The following ULK4 variants were observed in gnomAD, a reference collection of about 807,000 sequenced individuals.
ULK4 encodes the protein inactive serine/threonine-protein kinase ULK4.
In ULK4, 133 loss-of-function variants were observed where a neutral mutation model predicts 160.6. That is an observed-to-expected ratio of 0.83 (90% CI 0.72 to 0.96). The LOEUF (loss-of-function observed/expected upper bound fraction) is 0.96. ULK4 is among the 40% of genes least tolerant of loss of function. The pLI, the probability that ULK4 is intolerant of heterozygous loss-of-function variation, is 0.00. For synonymous variants in ULK4, 534 were observed against 539.8 expected, an observed-to-expected ratio of 0.99 and a Z score of 0.15; for missense variants, 1,580 against 1,499.5, an observed-to-expected ratio of 1.05 and a Z score of -0.89.
intron 35 of ULK4, among the ~76,000 whole-genome samples, chr3:41,301,299 T>C (rs1559512329): frequency 1.3e-5 from 2 of 152,120 alleles, no homozygotes; most frequent in Non-Finnish European, 2.9e-5. Context: ...ATTTCATTTT[T>C]AAAAGAAATG....
At chr3:41,486,159 A>G (rs2125901615) in intron 32 of ULK4, among the ~76,000 whole-genome samples, 1 of 152,226 alleles carries the variant, frequency 6.6e-6, no homozygotes, top group Middle Eastern at 3.4e-3. Flanking sequence ...TTCCTATTAT[A>G]CCATAAATTC....
intron 33 of ULK4, among the ~76,000 whole-genome samples, chr3:41,461,862 C>T (rs2083692725): frequency 6.6e-6 from 1 of 152,052 alleles, no homozygotes; most frequent in South Asian, 2.1e-4. Context: ...CAAAAATCTA[C>T]CACTATGGAA....
chr3:41,533,921 C>T (rs919342902), intron 32 of ULK4, among the ~76,000 whole-genome samples: 6 of 152,174 alleles, frequency 3.9e-5, no homozygotes, highest in Non-Finnish European at 8.8e-5. Context: ...CATTCTCCTG[C>T]CTCAGCCTCC....
chr3:41,757,829 G>A lies in ULK4; in HGVS notation c.2194-3341C>T, dbSNP rs111297562. On this transcript the variant is annotated intron_variant, in intron 21 of 36. Coordinates refer to ENST00000301831, the MANE Select transcript of ULK4 (RefSeq NM_017886.4). The stretch of plus-strand genomic sequence containing the variant: ...TTTTTAGTAGAGACAGATTTTTACC[G>A]TGTTAGCCAAGATGGTCTTGATCTC... Among the ~76,000 whole-genome samples, 12 of 151,500 alleles carry A rather than the reference G, an allele frequency of 7.9e-5. No individual in the cohort carries two copies. The East Asian group carries it at 1.4e-3, about 18-fold the overall frequency.
chr3:41,367,915 TGC>T (rs1383914797), intron 35 of ULK4, among the ~76,000 whole-genome samples: 1 of 152,292 alleles, frequency 6.6e-6, no homozygotes, highest in Non-Finnish European at 1.5e-5. Flanking sequence ...GTCATGTGTG[TGC>T]CAAGAAAACA....
chr3:41,392,147 G>A (rs1413702841), intron 35 of ULK4, among the ~76,000 whole-genome samples: 1 of 152,034 alleles, frequency 6.6e-6, no homozygotes, highest in Non-Finnish European at 1.5e-5. Context: ...CCAGTTTAAG[G>A]GAAAGGTAAA....
At chr3:41,556,009 C>T (rs1222682055) in intron 32 of ULK4, among the ~76,000 whole-genome samples, 2 of 152,058 alleles carry the variant, frequency 1.3e-5, no homozygotes, top group Non-Finnish European at 2.9e-5. Flanking sequence ...GAAAACAACA[C>T]ACACTGGGCC....
chr3:41,553,161 T>A (rs969611854), intron 32 of ULK4, among the ~76,000 whole-genome samples: 3 of 151,658 alleles, frequency 2.0e-5, no homozygotes, highest in African/African-American at 7.3e-5. Flanking sequence ...TAGAAAAAAA[T>A]ATAGAGATAA....
chr3:41,947,501 GCCT>G (rs1436388069), intron 2 of ULK4, among the ~76,000 whole-genome samples: 2 of 152,298 alleles, frequency 1.3e-5, no homozygotes, highest in South Asian at 2.1e-4. Context: ...TACCCTGCTG[GCCT>G]CCTCAACTGG....
At chr3:41,522,120 CTTTT>C (rs200391098) in intron 32 of ULK4, among the ~76,000 whole-genome samples, 3 of 130,370 alleles carry the variant, frequency 2.3e-5, no homozygotes, top group Non-Finnish European at 3.3e-5. Flanking sequence ...AATGTTTTTT[CTTTT>C]TTTTCTTTTT....
chr3:41,755,844 T>C (rs2038781643), intron 21 of ULK4, among the ~76,000 whole-genome samples: 1 of 152,198 alleles, frequency 6.6e-6, no homozygotes, highest in Non-Finnish European at 1.5e-5. Context: ...TGAATCAATG[T>C]TAGTTTCTTG....
At chr3:41,866,358 T>C (rs1716668) in intron 17 of ULK4, among the ~76,000 whole-genome samples, 47,419 of 152,138 alleles carry the variant, frequency 0.31, 10,799 homozygotes, top group African/African-American at 0.65. Flanking sequence ...TTTTTGGAAC[T>C]GGAGATCAGT....
intron 17 of ULK4, among the ~76,000 whole-genome samples, chr3:41,866,760 A>T (rs932555680): frequency 4.7e-5 from 6 of 128,646 alleles, no homozygotes; most frequent in Non-Finnish European, 9.1e-5. Flanking sequence ...TAAGCCTGGA[A>T]CTGTTATCAT....
intron 2 of ULK4, among the ~76,000 whole-genome samples, chr3:41,950,005 G>A (rs1700235817): frequency 6.6e-6 from 1 of 152,028 alleles, no homozygotes; most frequent in South Asian, 2.1e-4. Flanking sequence ...CAAAGTGCTG[G>A]GATTATAGGC....
chr3:41,823,174 G>A (rs1559580937), intron 18 of ULK4, among the ~76,000 whole-genome samples: 1 of 152,188 alleles, frequency 6.6e-6, no homozygotes, highest in African/African-American at 2.4e-5. Context: ...GCTTTCTGAA[G>A]GGATTTTTGA....
At chr3:41,361,741 T>A (rs1164991064) in intron 35 of ULK4, among the ~76,000 whole-genome samples, 1 of 152,216 alleles carries the variant, frequency 6.6e-6, no homozygotes, top group African/African-American at 2.4e-5. Context: ...TTCATAATAA[T>A]AAAATGGAGC....
intron 17 of ULK4, among the ~76,000 whole-genome samples, chr3:41,876,240 T>A (rs528774693): frequency 6.6e-6 from 1 of 152,170 alleles, no homozygotes; most frequent in African/African-American, 2.4e-5. Context: ...TTGTTTCTTA[T>A]AATGATGCAA....
intron 18 of ULK4, among the ~76,000 whole-genome samples, chr3:41,826,171 G>T (rs2041344308): frequency 6.6e-6 from 1 of 152,142 alleles, no homozygotes; most frequent in Non-Finnish European, 1.5e-5. Context: ...ACTAAACATG[G>T]AAAGACCAAC....
At chr3:41,323,582 C>T (rs2080287018) in intron 35 of ULK4, among the ~76,000 whole-genome samples, 1 of 152,132 alleles carries the variant, frequency 6.6e-6, no homozygotes, top group African/African-American at 2.4e-5. Context: ...AGCACTACTA[C>T]ACCATAGAAA....
Sources: allele counts gnomAD v4.1 joint callset (sites outside exome capture counted in the v4.1 genomes callset), GRCh38; gene constraint gnomAD v4.1.1; transcripts MANE v1.5; gene names NCBI Gene and HGNC (gene_info 2026-07-23, HGNC 2026-07-21).